Variants in SH2B2 observed in about 807,000 individuals in gnomAD.
The protein encoded by SH2B2 is SH2B adaptor protein 2, also known as SH2B adapter protein 2.
In SH2B2, 37 loss-of-function variants were observed where a neutral mutation model predicts 35.7. The observed-to-expected ratio is 1.04, with a 90% CI of 0.80 to 1.36. The LOEUF is 1.36. Among genes scored for constraint, SH2B2 ranks in the 40% most tolerant of loss-of-function variants. The pLI is 0.00. For missense variants in SH2B2, 852 were observed against 817.7 expected, an observed-to-expected ratio of 1.04 and a Z score of -0.51; for synonymous variants, 383 against 376.4, an observed-to-expected ratio of 1.02 and a Z score of -0.20.
At chr7:102,298,288 G>A (rs1554552853) in intron 1 of SH2B2, among the ~76,000 whole-genome samples, 1 of 152,118 alleles carries the variant, frequency 6.6e-6, no homozygotes, top group African/African-American at 2.4e-5. Flanking sequence ...TTGTTTTTGA[G>A]TCAGAGTCTC....
At chr7:102,319,157 C>A (rs1554557721) in intron 7 of SH2B2, among the ~76,000 whole-genome samples, 1 of 152,188 alleles carries the variant, frequency 6.6e-6, no homozygotes, top group East Asian at 1.9e-4. Flanking sequence ...GCAACTCTTT[C>A]CACCTTCACA....
chr7:102,321,266 C>T (rs781871919), intron 8 of SH2B2, 33 bp from the exon 9 acceptor site: 3 of 1,344,904 alleles, frequency 2.2e-6, no homozygotes, highest in Non-Finnish European at 2.9e-6. Context: ...CAGCCCAGGT[C>T]CCCACTCACG....
intron 2 of SH2B2, among the ~76,000 whole-genome samples, chr7:102,302,651 C>G (rs1793236888): frequency 6.6e-6 from 1 of 152,226 alleles, no homozygotes; most frequent in Non-Finnish European, 1.5e-5. Context: ...GGTACCCCAC[C>G]CCAGCGAGGT....
At position 102,315,645 on chromosome 7, in the gene SH2B2, G is replaced by A. The variant is rs548333592; in HGVS notation, c.1186+963G>A. ...TAGTCCCAGCTACTTGGGAGGCCGA[G>A]GTGGGAGGATCACTTGAGCCCAGGA... On this transcript the variant is annotated intron_variant, in intron 6 of 8. Coordinates refer to ENST00000444095, the MANE Select transcript of SH2B2 (RefSeq NM_001359228.2). Among the ~76,000 whole-genome samples, 19 of 151,242 alleles carry A rather than the reference G, an allele frequency of 1.3e-4. No homozygotes were observed. In the South Asian group the frequency reaches 3.8e-3, roughly 30 times the overall value.
intron 4 of SH2B2, among the ~76,000 whole-genome samples, chr7:102,310,754 G>C (rs910478756): frequency 6.6e-6 from 1 of 152,158 alleles, no homozygotes; most frequent in Non-Finnish European, 1.5e-5. Context: ...ACCGCCCTCC[G>C]GACCATCTGC....
In SH2B2 at chr7:102,311,237, A is replaced by G. The variant is rs1408326510; in HGVS notation, c.923+2331A>G. On this transcript the variant is annotated intron_variant, in intron 4 of 8. Coordinates refer to ENST00000444095, the MANE Select transcript of SH2B2 (RefSeq NM_001359228.2). The stretch of plus-strand genomic sequence containing the variant: ...CCCAAGTAACTGGGACTGTAGGCAC[A>G]TGCCACGATGACTGGCTTAATTTTT... Among the ~76,000 whole-genome samples the G allele has an allele frequency of 2.7e-5, 4 of 150,630 alleles. No homozygotes were observed. In the East Asian group the frequency reaches 5.9e-4, roughly 22 times the overall value.
chr7:102,313,367 G>A (rs1382917868), intron 4 of SH2B2, among the ~76,000 whole-genome samples: 2 of 151,896 alleles, frequency 1.3e-5, no homozygotes, highest in South Asian at 2.1e-4. Flanking sequence ...GGAATCACTT[G>A]AACCCGGGAG....
At chr7:102,290,052 C>A (rs1792613085) in intron 1 of SH2B2, among the ~76,000 whole-genome samples, 1 of 152,096 alleles carries the variant, frequency 6.6e-6, no homozygotes, top group Non-Finnish European at 1.5e-5. Context: ...CTGACCCGCA[C>A]TTCCTGCAGA....
In SH2B2 at chr7:102,303,029, T is replaced by C. The variant is rs560325069; in HGVS notation, c.729+1750T>C. Among the ~76,000 whole-genome samples, 32 of 151,676 alleles carry C rather than the reference T, an allele frequency of 2.1e-4. 1 individual carries two copies. In the East Asian group the frequency reaches 6.0e-3, roughly 29 times the overall value. The stretch of plus-strand genomic sequence containing the variant: ...CAGGTGGATCACCTGAGGTCAGGGG[T>C]TCGTGACCAGCCTGACCAACATGGA... On this transcript the variant is annotated intron_variant, in intron 2 of 8. Transcript: ENST00000444095.
At chr7:102,314,782 G>A (rs1406986775) in intron 6 of SH2B2, 100 bp downstream of exon 6, 6 of 398,132 alleles carry the variant, frequency 1.5e-5, no homozygotes, top group Non-Finnish European at 1.3e-5. Context: ...CTAAGCCTCA[G>A]AAGCTGTGAC....
chr7:102,313,130 T>TAAAA (rs1206179173), intron 4 of SH2B2, among the ~76,000 whole-genome samples: 1 of 94,894 alleles, frequency 1.1e-5, no homozygotes. Context: ...AAACTCTGTC[T>TAAAA]AAAAAAAAAA....
Position 102,320,687 on chromosome 7 carries a change from G to A in SH2B2, c.1567+185G>A, listed in dbSNP as rs534958578. Among the ~76,000 whole-genome samples the A allele has an allele frequency of 1.2e-3, 178 of 152,204 alleles. 1 individual carries two copies. The highest frequency in any genetic ancestry group is 3.8e-3 in the African/African-American group (159 of 41,526). ...CACGTCATAAGGAATGGAGGCAGAA[G>A]TGGCAGCCTAGAGGCAGCCAGGTCC... is the stretch of plus-strand genomic sequence containing the variant. On this transcript the variant is annotated intron_variant, in intron 8 of 8. Transcript: ENST00000444095.
intron 1 of SH2B2, chr7:102,293,194 C>A (rs1554552073): frequency 1.4e-5 from 2 of 141,260 alleles, no homozygotes; most frequent in Non-Finnish European, 3.0e-5. Flanking sequence ...GGGCTGAAGA[C>A]CGGCTTTTTT....
chr7:102,306,856 A>T, intron 3 of SH2B2, 34 bp downstream of exon 3: 1 of 1,501,160 alleles, frequency 6.7e-7, no homozygotes, highest in Non-Finnish European at 9.1e-7. Context: ...GAGATCCTCC[A>T]GCTGCCCCAG....
intron 1 of SH2B2, chr7:102,293,108 G>C (rs2960269): frequency 1 from 154,378 of 154,382 alleles, 77,187 homozygotes; most frequent in Middle Eastern, 1. Context: ...GGCCCATTAG[G>C]CGGGGCGGCG....
chr7:102,306,091 T>C (rs1285702143), intron 2 of SH2B2, among the ~76,000 whole-genome samples: 1 of 149,614 alleles, frequency 6.7e-6, no homozygotes, highest in African/African-American at 2.5e-5. Flanking sequence ...TTTTGTTTCG[T>C]TTTTTTTTCT....
Position 102,301,013 on chromosome 7 carries a change from C to T in SH2B2, c.463C>T (p.Arg155Cys). The change falls in exon 2 of 9, where the codon CGC becomes TGC. Residue 155 changes from arginine to cysteine, a missense_variant. Arg to Cys is a radical substitution (Grantham distance 180). Around this residue, in one of 3 missense-constraint regions of SH2B2, gnomAD observed 294 missense variants for 286.6 expected, o/e 1.03. Transcript: ENST00000444095. The stretch of plus-strand genomic sequence containing the variant: ...CGGCGTGCGCGACATGTGGCACCGG[C>T]GCGCCTCGCCCGAGCCCGACGCGGC... ...VDGVRDMWHR[R>C]ASPEPDAAAA... The T allele has an allele frequency of 7.1e-7, 1 of 1,405,490 alleles. No homozygotes were observed. The highest frequency in any genetic ancestry group is 9.2e-7 in the Non-Finnish European group (1 of 1,081,982). The allele number at this position is 1,405,490 out of a possible 1,614,324, so 87.1% of individuals were successfully genotyped here. A position where few individuals can be genotyped will look rare whatever the true frequency, so the allele number is the denominator to read the frequency against.
rs971132248 is a variant in SH2B2, at chr7:102,297,229, C to T, written c.-29-3293C>T. 2.0e-5 allele frequency among the ~76,000 whole-genome samples: 3 copies of T among 152,156 alleles called. No individual in the cohort carries two copies. The highest frequency in any genetic ancestry group is 2.1e-4 in the South Asian group (1 of 4,812). On this transcript the variant is annotated intron_variant, in intron 1 of 8. Coordinates refer to ENST00000444095, the MANE Select transcript of SH2B2 (RefSeq NM_001359228.2). The surrounding 1 kb of genome is among the most constrained non-coding windows in gnomAD (Gnocchi z 4.3). Reference sequence around the variant, plus strand: ...ATCCGCACTCTGGATACGACCCGCTCGCCACTTAGGAGTTGTCTGGGTTAT... The same window carrying T: ...ATCCGCACTCTGGATACGACCCGCTTGCCACTTAGGAGTTGTCTGGGTTAT...
At chr7:102,299,736 A>G (rs1449653069) in intron 1 of SH2B2, among the ~76,000 whole-genome samples, 1 of 152,180 alleles carries the variant, frequency 6.6e-6, no homozygotes, top group Non-Finnish European at 1.5e-5. Flanking sequence ...TTTGGGGAAC[A>G]TCAGAAGAGG....
Sources: allele counts gnomAD v4.1 joint callset (sites outside exome capture counted in the v4.1 genomes callset), GRCh38; gene constraint gnomAD v4.1.1; regional missense constraint gnomAD v4.1.1; non-coding constraint Gnocchi (gnomAD v3.1); transcripts MANE v1.5; gene names NCBI Gene and HGNC (gene_info 2026-07-23, HGNC 2026-07-21).